The following CPED1 variants were observed in gnomAD, a reference collection of about 807,000 sequenced individuals.
The protein encoded by CPED1 is cadherin-like and PC-esterase domain-containing protein 1.
In CPED1, 114 loss-of-function variants were observed where a neutral mutation model predicts 128.2. That is an observed-to-expected ratio of 0.89 (90% CI 0.76 to 1.04). The LOEUF is 1.04. Ranked by LOEUF, CPED1 falls within the 50% of genes least tolerant of loss-of-function variation. The pLI is 0.00. For synonymous variants in CPED1, 462 were observed against 426.7 expected (o/e 1.08, Z -1.02); for missense variants, 1,211 against 1,207.1 (o/e 1.00, Z -0.05).
intron 5 of CPED1, among the ~76,000 whole-genome samples, chr7:121,083,373 G>A (rs1216982681): frequency 1.3e-5 from 2 of 152,140 alleles, no homozygotes; most frequent in Non-Finnish European, 2.9e-5. Flanking sequence ...CCAAGAATTA[G>A]TTGTCCTAGC....
intron 16 of CPED1, among the ~76,000 whole-genome samples, chr7:121,158,550 G>C (rs1162317812): frequency 6.6e-6 from 1 of 151,118 alleles, no homozygotes; most frequent in Non-Finnish European, 1.5e-5. Context: ...GAGACACAGA[G>C]TCCCTTATTA....
intron 16 of CPED1, among the ~76,000 whole-genome samples, chr7:121,219,971 C>A (rs532464117): frequency 6.6e-6 from 1 of 151,942 alleles, no homozygotes; most frequent in African/African-American, 2.4e-5. Context: ...CTTAGGTAAA[C>A]CTTGTTCACT....
chr7:120,991,797 G>T (rs962945253), intron 2 of CPED1, among the ~76,000 whole-genome samples: 1 of 152,132 alleles, frequency 6.6e-6, no homozygotes, highest in Non-Finnish European at 1.5e-5. Flanking sequence ...GTTTAAAAAT[G>T]ATTCACAGTC....
intron 2 of CPED1, among the ~76,000 whole-genome samples, chr7:120,995,939 CCTT>C (rs1381318289): frequency 2.4e-5 from 3 of 127,460 alleles, no homozygotes; most frequent in South Asian, 2.7e-4. Flanking sequence ...TTCTCCTCCT[CCTT>C]CTTCTCCTCC....
chr7:121,133,692 T>C (rs1186875293), intron 12 of CPED1, 131 bp from the exon 13 acceptor site: 5 of 592,812 alleles, frequency 8.4e-6, no homozygotes, highest in Middle Eastern at 5.7e-4. Flanking sequence ...AGGATTGAAA[T>C]GCAGAAAGCG....
chr7:121,175,786 C>G (rs554371050), intron 16 of CPED1, among the ~76,000 whole-genome samples: 8 of 152,128 alleles, frequency 5.3e-5, no homozygotes, highest in African/African-American at 1.9e-4. Flanking sequence ...TTCAATACAA[C>G]AAGACTGTTG....
intron 17 of CPED1, among the ~76,000 whole-genome samples, chr7:121,241,456 A>G (rs1798394178): frequency 6.6e-6 from 1 of 151,712 alleles, no homozygotes; most frequent in Non-Finnish European, 1.5e-5. Flanking sequence ...TTGCCATTCA[A>G]AAACCAGCAT....
intron 3 of CPED1, among the ~76,000 whole-genome samples, chr7:121,024,388 C>T (rs1317330969): frequency 1.1e-4 from 16 of 152,140 alleles, no homozygotes; most frequent in Non-Finnish European, 2.4e-4. Flanking sequence ...TCCAAAGAAA[C>T]TAAACTGCTT....
At chr7:121,222,948 T>C (rs917660975) in intron 16 of CPED1, among the ~76,000 whole-genome samples, 5 of 152,174 alleles carry the variant, frequency 3.3e-5, no homozygotes, top group African/African-American at 1.2e-4. Context: ...ACCCTTTATT[T>C]CTTTCTCTTG....
rs371774954 is a variant in CPED1, at chr7:121,290,442, A to G, written c.2869-4998A>G. Among the ~76,000 whole-genome samples, 3 of 152,190 alleles carry G rather than the reference A, an allele frequency of 2.0e-5. No individual in the cohort carries two copies. In the East Asian group the frequency reaches 5.8e-4, roughly 29 times the overall value. ...CCACCAACAGTGTAAAAGCGTTCCT[A>G]TTTCTCCACATCCTCTCCAGCATCT... On this transcript the variant is annotated intron_variant, in intron 22 of 22. Coordinates refer to ENST00000310396, the MANE Select transcript of CPED1 (RefSeq NM_024913.5).
chr7:121,103,371 T>A (rs548499857), intron 7 of CPED1, among the ~76,000 whole-genome samples: 1 of 152,304 alleles, frequency 6.6e-6, no homozygotes, highest in Admixed American at 6.5e-5. Flanking sequence ...GATTGTTTCC[T>A]TACTAGTTCA....
At chr7:121,034,956 G>A (rs1207492985) in intron 3 of CPED1, among the ~76,000 whole-genome samples, 1 of 152,208 alleles carries the variant, frequency 6.6e-6, no homozygotes, top group Non-Finnish European at 1.5e-5. Context: ...AATTCTGAAT[G>A]TGGGGATCTA....
At chr7:121,057,491 C>T (rs1252170305) in intron 4 of CPED1, among the ~76,000 whole-genome samples, 1 of 152,070 alleles carries the variant, frequency 6.6e-6, no homozygotes. Flanking sequence ...CCATGAGTAC[C>T]CAGTGTTTAG....
chr7:121,009,000 G>A (rs570391801), intron 2 of CPED1, among the ~76,000 whole-genome samples: 13 of 152,228 alleles, frequency 8.5e-5, no homozygotes, highest in East Asian at 7.7e-4. Flanking sequence ...GGACAGGCAC[G>A]TTGCTGAGAT....
At chr7:121,290,755 C>T (rs1435282264) in intron 22 of CPED1, among the ~76,000 whole-genome samples, 1 of 152,200 alleles carries the variant, frequency 6.6e-6, no homozygotes, top group Non-Finnish European at 1.5e-5. Context: ...TGTAGGTTGT[C>T]TGTTCACTCT....
At chr7:121,111,117 A>G (rs1795096627) in intron 7 of CPED1, among the ~76,000 whole-genome samples, 2 of 152,170 alleles carry the variant, frequency 1.3e-5, no homozygotes, top group Admixed American at 1.3e-4. Flanking sequence ...GTGGAGAGGC[A>G]CACAGGTTCC....
In CPED1 at chr7:121,266,910, A is replaced by G. The variant is rs183083965; in HGVS notation, c.2633+102A>G. 2,023 of 816,990 alleles carry G rather than the reference A, an allele frequency of 2.5e-3. 4 individuals carry two copies. The highest frequency in any genetic ancestry group is 2.8e-3 in the Non-Finnish European group (1,380 of 490,722). The allele number at this position is 816,990 out of a possible 1,614,324, so 50.6% of individuals were successfully genotyped here. On this transcript the variant is annotated intron_variant, in intron 20 of 22. Coordinates refer to ENST00000310396, the MANE Select transcript of CPED1 (RefSeq NM_024913.5). ...AGATTTTATTTAAAGAACAACTTAT[A>G]ATTTATCATTAAGTACTTAAAGTCT...
intron 5 of CPED1, among the ~76,000 whole-genome samples, chr7:121,073,566 TA>T (rs1174435429): frequency 1.3e-5 from 2 of 152,186 alleles, no homozygotes; most frequent in African/African-American, 4.8e-5. Context: ...GGTTCAGTTG[TA>T]AAAGAGGTCA....
At chr7:121,232,951 A>G (rs938627818) in intron 16 of CPED1, among the ~76,000 whole-genome samples, 10 of 152,088 alleles carry the variant, frequency 6.6e-5, no homozygotes, top group African/African-American at 2.2e-4. Context: ...AAATACAGCA[A>G]TATCACATTT....
Sources: allele counts gnomAD v4.1 joint callset (sites outside exome capture counted in the v4.1 genomes callset), GRCh38; gene constraint gnomAD v4.1.1; transcripts MANE v1.5; gene names NCBI Gene and HGNC (gene_info 2026-07-23, HGNC 2026-07-21).